Variants in RAB3GAP2 observed in about 807,000 individuals in gnomAD.
RAB3GAP2 encodes the protein rab3 GTPase-activating protein non-catalytic subunit.
RAB3GAP2 carries 87 observed loss-of-function variants against 185.3 expected under a neutral mutation model. The observed-to-expected ratio is 0.47, with a 90% CI of 0.39 to 0.56. The LOEUF is 0.56. RAB3GAP2 is among the 20% of genes least tolerant of loss of function. The pLI, the probability that RAB3GAP2 is intolerant of heterozygous loss-of-function variation, is 0.00. For missense variants in RAB3GAP2, 1,492 were observed against 1,638.2 expected (o/e 0.91, Z 1.54); for synonymous variants, 554 against 576.1 (o/e 0.96, Z 0.55).
At chr1:220,199,038 T>A (rs1658789596) in intron 9 of RAB3GAP2, among the ~76,000 whole-genome samples, 1 of 151,886 alleles carries the variant, frequency 6.6e-6, no homozygotes, top group Non-Finnish European at 1.5e-5. Flanking sequence ...ACAAAGGAGA[T>A]CTACATGATG....
chr1:220,254,025 C>T (rs1222985886), intron 1 of RAB3GAP2: 1 of 1,613,774 alleles, frequency 6.2e-7, no homozygotes, highest in East Asian at 2.2e-5. Flanking sequence ...CATTCATGAA[C>T]AGAGTTGAAG....
At chr1:220,234,175 A>C (rs758169450) in intron 1 of RAB3GAP2, among the ~76,000 whole-genome samples, 1 of 152,222 alleles carries the variant, frequency 6.6e-6, no homozygotes, top group Non-Finnish European at 1.5e-5. Context: ...ACCAGATAGC[A>C]TACTAAAGTC....
intron 1 of RAB3GAP2, among the ~76,000 whole-genome samples, chr1:220,261,793 T>C (rs1660141722): frequency 6.6e-6 from 1 of 152,178 alleles, no homozygotes; most frequent in African/African-American, 2.4e-5. Context: ...ATGGCTACCC[T>C]CTGCCCATAG....
intron 26 of RAB3GAP2, among the ~76,000 whole-genome samples, chr1:220,165,056 T>C (rs79837899): frequency 6.6e-6 from 1 of 151,784 alleles, no homozygotes; most frequent in Non-Finnish European, 1.5e-5. Context: ...TTGCTGTGGT[T>C]TGAACATCAT....
At chr1:220,202,928 G>A (rs1025281387) in intron 8 of RAB3GAP2, among the ~76,000 whole-genome samples, 3 of 152,200 alleles carry the variant, frequency 2.0e-5, no homozygotes, top group Admixed American at 2.0e-4. Context: ...GGGTAAGAGA[G>A]GGAGACTCCG....
Position 220,153,975 on chromosome 1 carries a change from C to A in RAB3GAP2, c.3638G>T (p.Arg1213Leu). The A allele has an allele frequency of 6.2e-7, 1 of 1,613,094 alleles. No individual in the cohort carries two copies. The highest frequency in any genetic ancestry group is 8.5e-7 in the Non-Finnish European group (1 of 1,179,622). ...CCAATAGCTATAATTTACCTGTTGTCGTACAGAAATAAAATTTGGATCCAT... is the reference window on the plus strand; with the variant it reads ...CCAATAGCTATAATTTACCTGTTGTAGTACAGAAATAAAATTTGGATCCAT... ...GEMDPNFISVRQQFLLKVVSA... is the reference protein window; with the variant it reads ...GEMDPNFISVLQQFLLKVVSA... The change falls in exon 32 of 35, where the codon CGA (arginine) becomes CTA (leucine). Residue 1213 changes from arginine to leucine, a missense_variant. By Grantham distance (102) the Arg-to-Leu change is moderately radical. Transcript: ENST00000358951.
intron 9 of RAB3GAP2, among the ~76,000 whole-genome samples, chr1:220,197,313 G>C (rs1462127201): frequency 2.0e-5 from 3 of 151,388 alleles, no homozygotes; most frequent in Non-Finnish European, 3.0e-5. Flanking sequence ...TGCTGTGCCT[G>C]ACCTTACTAA....
chr1:220,170,594 A>C (rs1030043969), intron 24 of RAB3GAP2, among the ~76,000 whole-genome samples: 4 of 152,116 alleles, frequency 2.6e-5, no homozygotes, highest in Non-Finnish European at 5.9e-5. Flanking sequence ...TAAGAGGAAA[A>C]TCTGGTCTCA....
chr1:220,205,186 G>A (rs1397783939), intron 8 of RAB3GAP2, among the ~76,000 whole-genome samples: 1 of 152,140 alleles, frequency 6.6e-6, no homozygotes. Context: ...TGTTGAATTT[G>A]ATGAAATATC....
In RAB3GAP2 at chr1:220,182,360, A is replaced by G; in HGVS notation, c.2213-6T>C. The G allele has an allele frequency of 1.9e-6, 3 of 1,614,020 alleles. No individual in the cohort carries two copies. Among genetic ancestry groups the G allele is most frequent in the Non-Finnish European group, 2.5e-6 (3 of 1,179,928 alleles). ...CTTCCAAAAAAAGAAACTACCTGGT[A>G]GAAGAAAAACAAAGCACATTAATCA... On this transcript the variant is annotated splice_polypyrimidine_tract_variant and splice_region_variant and intron_variant, in intron 20 of 34. Transcript: ENST00000358951.
rs547983445 is a variant in RAB3GAP2, at chr1:220,174,451, G to T, written c.2311-1709C>A. On this transcript the variant is annotated intron_variant, in intron 21 of 34. Transcript: ENST00000358951. The stretch of plus-strand genomic sequence containing the variant: ...TTGTATGTGGTACTTGATATGTTTT[G>T]ATACAGGCATGCAACATGAAATAAG... Among the ~76,000 whole-genome samples the T allele has an allele frequency of 1.4e-4, 21 of 152,172 alleles. No homozygotes were observed. In the South Asian group the frequency reaches 4.4e-3, roughly 32 times the overall value.
At chr1:220,212,858 C>G in intron 4 of RAB3GAP2, 29 bp downstream of exon 4, 1 of 1,556,866 alleles carries the variant, frequency 6.4e-7, no homozygotes, top group Non-Finnish European at 8.9e-7. Context: ...ATGTAACACA[C>G]AGAGAAACAA....
At chr1:220,193,507 G>C in intron 12 of RAB3GAP2, 128 bp from the exon 13 acceptor site, 1 of 878,142 alleles carries the variant, frequency 1.1e-6, no homozygotes, top group Non-Finnish European at 1.7e-6. Context: ...ATTTTACCTG[G>C]ATTAATAGTT....
intron 17 of RAB3GAP2, among the ~76,000 whole-genome samples, chr1:220,188,856 T>C (rs1571890077): frequency 6.6e-6 from 1 of 152,136 alleles, no homozygotes; most frequent in Non-Finnish European, 1.5e-5. Flanking sequence ...AGTAAATGAA[T>C]CAATTATAAC....
rs11118499 is a variant in RAB3GAP2 at position 220,190,648 on chromosome 1, C to T, written c.1488-128G>A. On this transcript the variant is annotated intron_variant, in intron 14 of 34. Coordinates refer to ENST00000358951, the MANE Select transcript of RAB3GAP2 (RefSeq NM_012414.4). ...GGAGCATTAATAAGGCAACTAAATA[C>T]TGATAGCAAGTACATAAGTAAAGCA... 689 of 914,918 alleles carry T rather than the reference C, an allele frequency of 7.5e-4. 5 individuals carry two copies. The African/African-American group carries it at 7.9e-3, about 10-fold the overall frequency. 56.7% of individuals were successfully genotyped at this position (914,918 alleles called of 1,614,324 possible).
chr1:220,246,128 C>A (rs952280743), intron 1 of RAB3GAP2, among the ~76,000 whole-genome samples: 95 of 152,262 alleles, frequency 6.2e-4, no homozygotes, highest in African/African-American at 2.2e-3. Context: ...CATGAACAGA[C>A]ACTTCTCAAA....
chr1:220,211,370 C>A, intron 4 of RAB3GAP2: 1 of 471,648 alleles, frequency 2.1e-6, no homozygotes, highest in Non-Finnish European at 4.2e-6. Flanking sequence ...CTCTCCTCTG[C>A]TTCAGCTAAG....
Position 220,157,809 on chromosome 1 carries a change from A to G in RAB3GAP2, c.3329T>C (p.Leu1110Ser). The G allele has an allele frequency of 6.2e-7, 1 of 1,609,820 alleles. No individual in the cohort carries two copies. Among genetic ancestry groups the G allele is most frequent in the Non-Finnish European group, 8.5e-7 (1 of 1,176,118 alleles). ...AAAATACACCTCTTTTACCTCCATTAAGATCTGAAGAAGATCCAAACAGGA... is the reference window on the plus strand; with the variant it reads ...AAAATACACCTCTTTTACCTCCATTGAGATCTGAAGAAGATCCAAACAGGA... Reference protein sequence around the residue: ...LGSCLDLLQILMEADVSRDEI... With the variant: ...LGSCLDLLQISMEADVSRDEI... The change falls in exon 30 of 35, where the codon TTA becomes TCA. Residue 1110 changes from leucine to serine, a missense_variant. Leu to Ser is a moderately radical substitution (Grantham distance 145). Coordinates refer to ENST00000358951, the MANE Select transcript of RAB3GAP2 (RefSeq NM_012414.4).
At chr1:220,160,488 T>C (rs1347072296) in intron 28 of RAB3GAP2, among the ~76,000 whole-genome samples, 1 of 152,202 alleles carries the variant, frequency 6.6e-6, no homozygotes, top group Non-Finnish European at 1.5e-5. Context: ...TATAAAATAA[T>C]AGCTACCATT....
Sources: allele counts gnomAD v4.1 joint callset (sites outside exome capture counted in the v4.1 genomes callset), GRCh38; gene constraint gnomAD v4.1.1; transcripts MANE v1.5; gene names NCBI Gene and HGNC (gene_info 2026-07-23, HGNC 2026-07-21).